The following CTNNA2 variants were observed in gnomAD, a reference collection of about 807,000 sequenced individuals.
CTNNA2 encodes the protein catenin alpha 2.
Under a neutral mutation model 101.0 loss-of-function variants are expected in CTNNA2, and 42 were observed. The observed-to-expected ratio is 0.42, with a 90% CI of 0.32 to 0.54. CTNNA2 has a LOEUF of 0.54. CTNNA2 is among the 20% of genes least tolerant of loss of function. The pLI, the probability that CTNNA2 is intolerant of heterozygous loss-of-function variation, is 0.14. For synonymous variants in CTNNA2, 450 were observed against 456.4 expected (o/e 0.99, Z 0.18); for missense variants, 871 against 1,223.1 (o/e 0.71, Z 4.29).
rs1046124191 is a variant in CTNNA2 at position 80,311,137 on chromosome 2, T to G, written c.1057-82074T>G. Among the ~76,000 whole-genome samples, 19 of 152,292 alleles carry G rather than the reference T, an allele frequency of 1.2e-4. No individual in the cohort carries two copies. In the East Asian group the frequency reaches 3.7e-3, roughly 29 times the overall value. On this transcript the variant is annotated intron_variant, in intron 7 of 18. Coordinates refer to ENST00000402739, the MANE Select transcript of CTNNA2 (RefSeq NM_001282597.3). Reference sequence around the variant, plus strand: ...ATTTATTAATTAGGTTGTTTCTGGTTTTTAGTCATTATAAAATTTACTGTG... The same window carrying G: ...ATTTATTAATTAGGTTGTTTCTGGTGTTTAGTCATTATAAAATTTACTGTG...
intron 7 of CTNNA2, among the ~76,000 whole-genome samples, chr2:80,165,952 GT>G (rs1481606798): frequency 6.6e-6 from 1 of 152,098 alleles, no homozygotes; most frequent in East Asian, 1.9e-4. Context: ...TGGAGGCACA[GT>G]TTTTTTCAAT....
chr2:80,123,466 T>C (rs1264772550), intron 7 of CTNNA2, among the ~76,000 whole-genome samples: 1 of 151,312 alleles, frequency 6.6e-6, no homozygotes, highest in Non-Finnish European at 1.5e-5. Flanking sequence ...AAAAAAATAC[T>C]CCAGGCCTGA....
At chr2:79,807,418 A>AT (rs145458994) in intron 3 of CTNNA2, among the ~76,000 whole-genome samples, 5,813 of 152,094 alleles carry the variant, frequency 0.038, 166 homozygotes, top group Middle Eastern at 0.12. Context: ...CAAAATCTTC[A>AT]TTTTTTCATA....
At chr2:79,423,948 A>G (rs1247686833) in intron 4 of CTNNA2, among the ~76,000 whole-genome samples, 1 of 152,110 alleles carries the variant, frequency 6.6e-6, no homozygotes, top group Admixed American at 6.6e-5. Flanking sequence ...TACCTTGACC[A>G]AAAAAACCCA....
At chr2:79,806,843 C>T (rs949847758) in intron 3 of CTNNA2, among the ~76,000 whole-genome samples, 1 of 152,024 alleles carries the variant, frequency 6.6e-6, no homozygotes, top group South Asian at 2.1e-4. Context: ...CCACGTGCCT[C>T]ATATAATAGA....
intron 11 of CTNNA2, among the ~76,000 whole-genome samples, chr2:80,549,337 AT>A (rs555603635): frequency 5.3e-5 from 8 of 151,486 alleles, no homozygotes; most frequent in Admixed American, 2.0e-4. Flanking sequence ...AACTTTTCCT[AT>A]TTTTTTTTAA....
intron 9 of CTNNA2, among the ~76,000 whole-genome samples, chr2:80,433,177 A>T (rs1681702267): frequency 1.3e-5 from 2 of 152,132 alleles, no homozygotes; most frequent in Non-Finnish European, 2.9e-5. Flanking sequence ...CGTAGAGCTT[A>T]AAAAAACCTA....
chr2:80,420,935 A>T (rs1190702433), intron 9 of CTNNA2, among the ~76,000 whole-genome samples: 1 of 152,222 alleles, frequency 6.6e-6, no homozygotes, highest in Non-Finnish European at 1.5e-5. Flanking sequence ...GGGTAATACA[A>T]TATCAAAGCA....
intron 2 of CTNNA2, among the ~76,000 whole-genome samples, chr2:79,220,869 C>T (rs1252256020): frequency 6.6e-6 from 1 of 152,134 alleles, no homozygotes; most frequent in Admixed American, 6.5e-5. Flanking sequence ...TACAACTCTG[C>T]ACACATTGTT....
chr2:79,752,054 G>A (rs915045992), intron 3 of CTNNA2, among the ~76,000 whole-genome samples: 1 of 152,106 alleles, frequency 6.6e-6, no homozygotes, highest in African/African-American at 2.4e-5. Flanking sequence ...GGAGTGACAG[G>A]GGCAGGGGAG....
chr2:79,909,790 T>A lies in CTNNA2; in HGVS notation c.1049T>A (p.Met350Lys). ...CTCCAGGACCTGCTCAGCGAGTACA[T>A]GAATAATGTAAGTCTTGGGATCTCC... is the stretch of plus-strand genomic sequence containing the variant. ...QALQDLLSEY[M>K]NNTGRKEKGD... Residue 350 changes from methionine (M) to lysine (K), a missense_variant, in exon 7 of 19, where the codon ATG (methionine) becomes AAG (lysine). Met to Lys is a moderately conservative substitution (Grantham distance 95, BLOSUM62 -1). Around this residue, in one of 5 missense-constraint regions of CTNNA2, gnomAD observed 647 missense variants for 831.5 expected, o/e 0.78. Transcript: ENST00000402739. 6.2e-7 allele frequency: 1 copy of A among 1,602,636 alleles called. No homozygotes were observed. The highest frequency in any genetic ancestry group is 8.5e-7 in the Non-Finnish European group (1 of 1,172,208).
intron 3 of CTNNA2, among the ~76,000 whole-genome samples, chr2:79,372,255 G>A (rs1299607683): frequency 6.6e-6 from 1 of 152,130 alleles, no homozygotes; most frequent in African/African-American, 2.4e-5. Context: ...TAGCTGACAG[G>A]AGGAACGAAG....
chr2:79,478,948 G>C (rs774624628), intron 4 of CTNNA2, among the ~76,000 whole-genome samples: 3 of 152,080 alleles, frequency 2.0e-5, no homozygotes, highest in Non-Finnish European at 2.9e-5. Context: ...TTTCCAGCCT[G>C]CTTTTGCTGT....
Position 79,846,699 on chromosome 2 carries a change from G to T in CTNNA2, c.299-11314G>T, listed in dbSNP as rs1680255692. The stretch of plus-strand genomic sequence containing the variant: ...AGACCCAGCTTCTGGTCTGGACTGT[G>T]CCCTTAGTTGATTATTTGAGCTTGA... On this transcript the variant is annotated intron_variant, in intron 3 of 18. Transcript: ENST00000402739. 2.0e-5 allele frequency among the ~76,000 whole-genome samples: 3 copies of T among 152,178 alleles called. No homozygotes were observed. In the South Asian group the frequency reaches 6.2e-4, roughly 32 times the overall value.
chr2:79,254,349 T>A (rs948063225), intron 2 of CTNNA2, among the ~76,000 whole-genome samples: 1 of 152,144 alleles, frequency 6.6e-6, no homozygotes, highest in Admixed American at 6.6e-5. Context: ...GGGAAGAGAT[T>A]GGGCCATGGG....
In CTNNA2 at chr2:79,857,959, G is replaced by A. The variant is rs1574147767; in HGVS notation, c.299-54G>A. ...TGTCCATTCACAGATCTTTAGGATG[G>A]CCAGTCTCTAAGCCTCTTGTCTACC... On this transcript the variant is annotated intron_variant, in intron 3 of 18. Coordinates refer to ENST00000402739, the MANE Select transcript of CTNNA2 (RefSeq NM_001282597.3). 1.0e-5 allele frequency: 16 copies of A among 1,548,492 alleles called. No individual in the cohort carries two copies. In the Admixed American group the frequency reaches 2.3e-4, roughly 22 times the overall value.
In CTNNA2 at chr2:80,226,837, G is replaced by A. The variant is rs116152285; in HGVS notation, c.1057-166374G>A. On this transcript the variant is annotated intron_variant, in intron 7 of 18. Transcript: ENST00000402739. ...TATCCCATCTCACACCTCTCCTTGG[G>A]CCCCTTCCCCTCCAGCTCATCTCCA... is the stretch of plus-strand genomic sequence containing the variant. Among the ~76,000 whole-genome samples the A allele has an allele frequency of 5.1e-3, 780 of 152,028 alleles. 8 individuals carry two copies. Among genetic ancestry groups the A allele is most frequent in the African/African-American group, 0.018 (746 of 41,474 alleles).
At chr2:80,172,740 C>A (rs1451468636) in intron 7 of CTNNA2, among the ~76,000 whole-genome samples, 1 of 152,196 alleles carries the variant, frequency 6.6e-6, no homozygotes, top group Non-Finnish European at 1.5e-5. Flanking sequence ...TGCAGCTCTT[C>A]TAGTTTCTGG....
chr2:79,384,136 G>C (rs1020880787), intron 4 of CTNNA2, among the ~76,000 whole-genome samples: 1 of 152,186 alleles, frequency 6.6e-6, no homozygotes, highest in African/African-American at 2.4e-5. Flanking sequence ...ATTTACTGAA[G>C]TTATGAAGAA....
Sources: gnomAD v4.1 joint callset for allele counts (sites outside exome capture counted in the v4.1 genomes callset) on GRCh38, gnomAD v4.1.1 for gene constraint, gnomAD v4.1.1 regional missense constraint, MANE v1.5 for transcripts, NCBI Gene and HGNC (gene_info 2026-07-23, HGNC 2026-07-21) for gene names.